SCN2A: variants seen among roughly 807,000 people sequenced by gnomAD.
SCN2A encodes sodium voltage-gated channel alpha subunit 2.
SCN2A carries 20 observed loss-of-function variants against 188.7 expected under a neutral mutation model. That is an observed-to-expected ratio of 0.11 (90% confidence interval 0.07 to 0.15). SCN2A has a LOEUF of 0.15. SCN2A is among the 10% of genes least tolerant of loss of function. The pLI is 1.00. For synonymous variants in SCN2A, 804 were observed against 833.1 expected (o/e 0.97, Z 0.60); for missense variants, 1,278 against 2,445.0 (o/e 0.52, Z 10.07).
intron 25 of SCN2A, among the ~76,000 whole-genome samples, chr2:165,382,423 A>G (rs1701651999): frequency 6.6e-6 from 1 of 152,046 alleles, no homozygotes; most frequent in African/African-American, 2.4e-5. Flanking sequence ...ACCCTTACAT[A>G]CAAGAAGATA....
intron 9 of SCN2A, 26 bp from the exon 10 acceptor site, chr2:165,313,876 A>G (rs1305175468): frequency 6.2e-7 from 1 of 1,613,008 alleles, no homozygotes; most frequent in African/African-American, 1.3e-5. Context: ...TATAAAATTT[A>G]TTAAAATCTC....
At chr2:165,300,648 T>C (rs1303739764) in intron 3 of SCN2A, among the ~76,000 whole-genome samples, 2 of 152,082 alleles carry the variant, frequency 1.3e-5, no homozygotes, top group East Asian at 3.9e-4. Context: ...GCAACTAGTA[T>C]GTTTAACAAT....
At chr2:165,267,434 G>A (rs900274744) in intron 1 of SCN2A, 3 of 151,838 alleles carry the variant, frequency 2.0e-5, no homozygotes, top group Admixed American at 6.6e-5. Flanking sequence ...GAAAAACTTG[G>A]TATCCACATG....
At chr2:165,384,822 T>TA in intron 25 of SCN2A, among the ~76,000 whole-genome samples, 1 of 152,188 alleles carries the variant, frequency 6.6e-6, no homozygotes, top group Non-Finnish European at 1.5e-5. Context: ...GGACATGTGT[T>TA]TTAGACAGAA....
chr2:165,254,926 C>T (rs1391091915), intron 1 of SCN2A, among the ~76,000 whole-genome samples: 1 of 151,738 alleles, frequency 6.6e-6, no homozygotes, highest in Non-Finnish European at 1.5e-5. Context: ...TATGTTTTCT[C>T]TCTAATAACA....
In SCN2A at chr2:165,389,584, AAAGGTATC is replaced by A; in HGVS notation, c.5782_5789del (p.Val1928TyrfsTer11). On this transcript the variant is annotated frameshift_variant, in exon 27 of 27. Coordinates refer to ENST00000375437, the MANE Select transcript of SCN2A (RefSeq NM_001040142.2). LOFTEE classifies it high-confidence loss of function. This position sits in a 1 kb window ranked among gnomAD's most constrained non-coding sequence, Gnocchi z 4.2. ...GCTACCTCTTGAAGCAAAAAGTTAA[AAAGGTATC>A]AAGTATATACAAGAAAGACAAAGGC... 1 of 1,613,984 alleles carries A rather than the reference AAAGGTATC, an allele frequency of 6.2e-7. No homozygotes were observed. The highest frequency in any genetic ancestry group is 8.5e-7 in the Non-Finnish European group (1 of 1,179,964).
intron 1 of SCN2A, among the ~76,000 whole-genome samples, chr2:165,276,278 A>AG (rs397691466): frequency 4.6e-5 from 7 of 151,916 alleles, no homozygotes; most frequent in African/African-American, 1.5e-4. Flanking sequence ...GAAAAAAAAA[A>AG]GATTTGTGAA....
intron 14 of SCN2A, among the ~76,000 whole-genome samples, chr2:165,333,076 A>G (rs1443073061): frequency 6.6e-6 from 1 of 152,036 alleles, no homozygotes; most frequent in Admixed American, 6.6e-5. Flanking sequence ...TTGGAGTTAC[A>G]TGGCCATTTC....
At chr2:165,383,775 C>G (rs2105391584) in intron 25 of SCN2A, among the ~76,000 whole-genome samples, 1 of 152,212 alleles carries the variant, frequency 6.6e-6, no homozygotes, top group Non-Finnish European at 1.5e-5. Context: ...ACAAGAATGA[C>G]TGGTGTCTTT....
At chr2:165,370,351 C>A in intron 20 of SCN2A, 52 bp downstream of exon 20, 2 of 1,571,510 alleles carry the variant, frequency 1.3e-6, no homozygotes, top group Non-Finnish European at 1.8e-6. Flanking sequence ...TGTAATAGTT[C>A]TAGCAATGGT....
intron 14 of SCN2A, among the ~76,000 whole-genome samples, chr2:165,334,414 T>C (rs1698871554): frequency 6.6e-6 from 1 of 151,736 alleles, no homozygotes; most frequent in South Asian, 2.1e-4. Flanking sequence ...TCACATAACA[T>C]ATTTAGATTT....
chr2:165,329,529 A>G (rs914340757), intron 13 of SCN2A, among the ~76,000 whole-genome samples: 4 of 152,078 alleles, frequency 2.6e-5, no homozygotes, highest in African/African-American at 9.7e-5. Context: ...AACTTAAACA[A>G]CTTTGCTCCG....
intron 1 of SCN2A, among the ~76,000 whole-genome samples, chr2:165,248,151 T>C (rs1053249018): frequency 2.0e-5 from 3 of 152,154 alleles, no homozygotes; most frequent in African/African-American, 7.2e-5. Flanking sequence ...AATTGGACTT[T>C]ATTCTTCTAC....
At chr2:165,306,240 G>A (rs1343236392) in intron 3 of SCN2A, among the ~76,000 whole-genome samples, 1 of 152,080 alleles carries the variant, frequency 6.6e-6, no homozygotes, top group Non-Finnish European at 1.5e-5. Context: ...GAGAATATTT[G>A]AAATTTTTCT....
At chr2:165,350,464 C>CTTTTTTT (rs71028479) in intron 16 of SCN2A, among the ~76,000 whole-genome samples, 3 of 73,848 alleles carry the variant, frequency 4.1e-5, no homozygotes, top group African/African-American at 1.2e-4. Context: ...TGTTTTCTTT[C>CTTTTTTT]TTTTTTTTTT....
rs187861972 is a variant in SCN2A, at chr2:165,281,656, T to G, written c.-51-14117T>G. On this transcript the variant is annotated intron_variant, in intron 1 of 26. Coordinates refer to ENST00000375437, the MANE Select transcript of SCN2A (RefSeq NM_001040142.2). ...AGTCACTGTAGAGTTCTGAGCAGAA[T>G]AGTGACTCGACTGTTTTTGCGTTTC... Among the ~76,000 whole-genome samples, 4 of 152,212 alleles carry G rather than the reference T, an allele frequency of 2.6e-5. No individual in the cohort carries two copies. The East Asian group carries it at 7.7e-4, about 29-fold the overall frequency.
At chr2:165,339,575 G>A (rs1202683926) in intron 14 of SCN2A, among the ~76,000 whole-genome samples, 4 of 151,948 alleles carry the variant, frequency 2.6e-5, no homozygotes, top group East Asian at 3.9e-4. Context: ...CAAAAAACAC[G>A]AAGAATATAG....
At chr2:165,279,663 C>T (rs1695499586) in intron 1 of SCN2A, among the ~76,000 whole-genome samples, 1 of 152,014 alleles carries the variant, frequency 6.6e-6, no homozygotes, top group Non-Finnish European at 1.5e-5. Flanking sequence ...ATTGAATCTG[C>T]ATGTTGGCAA....
chr2:165,367,395 T>C (rs773671508), intron 19 of SCN2A, 24 bp downstream of exon 19: 2 of 1,611,956 alleles, frequency 1.2e-6, no homozygotes, highest in East Asian at 2.2e-5. Flanking sequence ...GATCCACTCC[T>C]TCACCTTTCA....
Sources: allele counts gnomAD v4.1 joint callset (sites outside exome capture counted in the v4.1 genomes callset), GRCh38; gene constraint gnomAD v4.1.1; non-coding constraint Gnocchi (gnomAD v3.1); transcripts MANE v1.5; gene names NCBI Gene and HGNC (gene_info 2026-07-23, HGNC 2026-07-21).